The following CFAP57 variants were observed in gnomAD, a reference collection of about 807,000 sequenced individuals.
CFAP57 encodes cilia- and flagella-associated protein 57.
A neutral mutation model predicts 146.8 loss-of-function variants in CFAP57; 116 were observed. That is an observed-to-expected ratio of 0.79 (90% CI 0.68 to 0.92). The LOEUF is 0.92. CFAP57 is among the 40% of genes least tolerant of loss of function. CFAP57 has a pLI of 0.00. For synonymous variants in CFAP57, 518 were observed against 552.8 expected, an observed-to-expected ratio of 0.94 and a Z score of 0.88; for missense variants, 1,377 against 1,527.2, an observed-to-expected ratio of 0.90 and a Z score of 1.64.
chr1:43,217,767 A>G (rs1440034449), intron 12 of CFAP57, among the ~76,000 whole-genome samples: 1 of 152,062 alleles, frequency 6.6e-6, no homozygotes, highest in African/African-American at 2.4e-5. Context: ...TCCTTAATCT[A>G]GTCCGTGCTG....
intron 12 of CFAP57, among the ~76,000 whole-genome samples, chr1:43,217,715 C>T (rs1644887871): frequency 1.3e-5 from 2 of 152,080 alleles, no homozygotes; most frequent in South Asian, 2.1e-4. Flanking sequence ...ATGCAGTTGC[C>T]GCCCACCCAC....
Position 43,181,551 on chromosome 1 carries a change from G to A in CFAP57, c.175G>A (p.Gly59Ser), listed in dbSNP as rs765693869. ...KFIPGSEKSQ[G>S]MLALSISPNR... Reference sequence around the variant, plus strand: ...GTTTGCAGGCTCAGAGAAGAGTCAGGGCATGTTGGCCTTGTCCATCAGTCC... The same window carrying A: ...GTTTGCAGGCTCAGAGAAGAGTCAGAGCATGTTGGCCTTGTCCATCAGTCC... Residue 59 changes from glycine to serine, a missense_variant, in exon 3 of 23, where the codon GGC (glycine) becomes AGC (serine). Coordinates refer to ENST00000372492, the MANE Select transcript of CFAP57 (RefSeq NM_001378189.1). 6.8e-6 allele frequency: 11 copies of A among 1,614,090 alleles called. No individual in the cohort carries two copies. The South Asian group carries it at 1.2e-4, about 18-fold the overall frequency.
At chr1:43,211,000 G>A (rs938137611) in intron 11 of CFAP57, 5 of 151,596 alleles carry the variant, frequency 3.3e-5, no homozygotes, top group African/African-American at 1.2e-4. Context: ...CACTGGGAAG[G>A]TATGTGTCTC....
At chr1:43,229,989 C>G (rs552671156) in intron 18 of CFAP57, among the ~76,000 whole-genome samples, 37 of 152,322 alleles carry the variant, frequency 2.4e-4, no homozygotes, top group African/African-American at 8.9e-4. Flanking sequence ...GGATTTTCCA[C>G]ACTGGGAAAA....
At position 43,183,805 on chromosome 1, in the gene CFAP57, G is replaced by A. The variant is rs775115210; in HGVS notation, c.689G>A (p.Trp230Ter). The A allele has an allele frequency of 6.2e-7, 1 of 1,614,158 alleles. No homozygotes were observed. Among genetic ancestry groups the A allele is most frequent in the South Asian group, 1.1e-5 (1 of 91,084 alleles). The change falls in exon 4 of 23, where the codon TGG becomes TAG. Residue 230 changes from tryptophan to a stop codon, truncating the protein, a stop_gained. Coordinates refer to ENST00000372492, the MANE Select transcript of CFAP57 (RefSeq NM_001378189.1). LOFTEE classifies it high-confidence loss of function. ...CTCTTTGAATCTGGAGATCAGCGTT[G>A]GGAGACCAGCATAATGGTCAAGGAA... ...LFLFESGDQR[W>*]ETSIMVKEPT...
intron 19 of CFAP57, among the ~76,000 whole-genome samples, 159 bp from the exon 20 acceptor site, chr1:43,234,114 TGTGCCC>T (rs2124618834): frequency 6.6e-6 from 1 of 152,160 alleles, no homozygotes; most frequent in African/African-American, 2.4e-5. Flanking sequence ...CTGTTGGCTG[TGTGCCC>T]GTCTAAGTTT....
intron 22 of CFAP57, among the ~76,000 whole-genome samples, chr1:43,248,484 A>ATTT (rs113730554): frequency 6.7e-6 from 1 of 149,034 alleles, no homozygotes. Flanking sequence ...GACCTGGCTA[A>ATTT]TTTTTTTTTG....
chr1:43,177,184 C>T (rs1351123010), intron 2 of CFAP57: 3 of 456,172 alleles, frequency 6.6e-6, no homozygotes, highest in Non-Finnish European at 1.3e-5. Context: ...GCAGGGAGAA[C>T]AGCTGAGGGA....
intron 6 of CFAP57, among the ~76,000 whole-genome samples, chr1:43,196,907 T>G (rs1643888562): frequency 6.6e-6 from 1 of 152,174 alleles, no homozygotes; most frequent in Non-Finnish European, 1.5e-5. Flanking sequence ...TACAAAGACT[T>G]GTGCAAGGAT....
At chr1:43,253,954 A>G in intron 22 of CFAP57, 23 bp from the exon 23 acceptor site, 1 of 1,544,244 alleles carries the variant, frequency 6.5e-7, no homozygotes, top group Non-Finnish European at 8.8e-7. Context: ...ACAGGCCCAC[A>G]TGAGTCCTGT....
At chr1:43,223,029 G>T (rs746098445) in intron 16 of CFAP57, 32 bp downstream of exon 16, 67 of 1,526,314 alleles carry the variant, frequency 4.4e-5, no homozygotes, top group Non-Finnish European at 5.9e-5. Flanking sequence ...GACCTAGGGT[G>T]GGCGAGGGTG....
intron 4 of CFAP57, 95 bp from the exon 5 acceptor site, chr1:43,185,054 T>G: frequency 7.3e-7 from 1 of 1,372,736 alleles, no homozygotes; most frequent in Non-Finnish European, 1.0e-6. Context: ...GTGGTTTCTG[T>G]CACACCCAGT....
chr1:43,198,597 TTGA>T lies in CFAP57; in HGVS notation c.1384_1386del (p.Asp462del). 1 of 1,614,138 alleles carries T rather than the reference TTGA, an allele frequency of 6.2e-7. No homozygotes were observed. On this transcript the variant is annotated inframe_deletion, in exon 8 of 23. Coordinates refer to ENST00000372492, the MANE Select transcript of CFAP57 (RefSeq NM_001378189.1). Reference sequence around the variant, plus strand: ...AAACTACGCCTCATGAATCTACTCATTGATGATATACGTTCTTTCAAAGAATAC... The same window carrying T: ...AAACTACGCCTCATGAATCTACTCATTGATATACGTTCTTTCAAAGAATAC...
chr1:43,197,213 C>A (rs972238326), intron 6 of CFAP57, among the ~76,000 whole-genome samples: 1 of 151,826 alleles, frequency 6.6e-6, no homozygotes, highest in South Asian at 2.1e-4. Flanking sequence ...AAAAATTAGC[C>A]GGGCATGGTG....
At chr1:43,247,728 A>G (rs1646163791) in intron 22 of CFAP57, among the ~76,000 whole-genome samples, 1 of 152,114 alleles carries the variant, frequency 6.6e-6, no homozygotes, top group Non-Finnish European at 1.5e-5. Flanking sequence ...ATGTGCAAAG[A>G]AACAAACAAA....
At chr1:43,232,000 C>T (rs1310232188) in intron 18 of CFAP57, 20 of 658,858 alleles carry the variant, frequency 3.0e-5, no homozygotes, top group Non-Finnish European at 2.8e-6. Context: ...TCAGCTTCCC[C>T]TTTCCTGTTT....
chr1:43,192,691 G>A (rs1448226151), intron 6 of CFAP57, among the ~76,000 whole-genome samples: 1 of 151,718 alleles, frequency 6.6e-6, no homozygotes, highest in Non-Finnish European at 1.5e-5. Flanking sequence ...TTGGGAGGCC[G>A]AGGTGGGTGG....
In CFAP57 at chr1:43,232,624, G is replaced by A; in HGVS notation, c.3126G>A (p.Lys1042=). ...TDQEMRRERQ[K]ERDLEALVKR... Reference sequence around the variant, plus strand: ...AGGAGATGCGCAGAGAGAGACAGAAGGTGTGAGGGTTTCAGAGTCTGGCAG... The same window carrying A: ...AGGAGATGCGCAGAGAGAGACAGAAAGTGTGAGGGTTTCAGAGTCTGGCAG... Residue 1042 remains lysine, a splice_region_variant and synonymous_variant, in exon 19 of 23, where the codon AAG becomes AAA. Transcript: ENST00000372492. 6.5e-7 allele frequency: 1 copy of A among 1,530,306 alleles called. No individual in the cohort carries two copies. Among genetic ancestry groups the A allele is most frequent in the Non-Finnish European group, 8.8e-7 (1 of 1,131,828 alleles). 94.8% of individuals were successfully genotyped at this position (1,530,306 alleles called of 1,614,324 possible).
chr1:43,200,273 C>T (rs746526355), intron 9 of CFAP57, among the ~76,000 whole-genome samples: 4 of 152,000 alleles, frequency 2.6e-5, no homozygotes, highest in Non-Finnish European at 4.4e-5. Context: ...ATCGCTTGCA[C>T]TCAGGAGTTC....
Sources: allele counts gnomAD v4.1 joint callset (sites outside exome capture counted in the v4.1 genomes callset), GRCh38; gene constraint gnomAD v4.1.1; transcripts MANE v1.5; gene names NCBI Gene and HGNC (gene_info 2026-07-23, HGNC 2026-07-21).